LSG1: variants seen among roughly 807,000 people sequenced by gnomAD.
LSG1 encodes the protein large subunit GTPase 1 homolog.
LSG1 carries 55 observed loss-of-function variants against 82.6 expected under a neutral mutation model. That is an observed-to-expected ratio of 0.67 (90% CI 0.54 to 0.83). LSG1 has a LOEUF of 0.83. Among genes scored for constraint, LSG1 ranks in the 40% least tolerant of loss-of-function variants. The probability of loss-of-function intolerance (pLI) is 0.00; values close to 1 mark genes in which losing one functional copy is unlikely to be tolerated. For missense variants in LSG1, 809 were observed against 807.9 expected (o/e 1.00, Z -0.02); for synonymous variants, 272 against 282.5 (o/e 0.96, Z 0.37).
chr3:194,670,064 G>A lies in LSG1; in HGVS notation c.171C>T (p.Ser57=). The change falls in exon 2 of 14, where the codon AGC becomes AGT. Residue 57 remains serine (S), a synonymous_variant. Coordinates refer to ENST00000265245, the MANE Select transcript of LSG1 (RefSeq NM_018385.3). ...CAGTAGCAAGGAAGTCATCAAGGGAGCTCTGTTCAGTCACTGACTGAAGAT... is the reference window on the plus strand; with the variant it reads ...CAGTAGCAAGGAAGTCATCAAGGGAACTCTGTTCAGTCACTGACTGAAGAT... ...RLNLQSVTEQ[S]SLDDFLATAE... 6.2e-7 allele frequency: 1 copy of A among 1,614,128 alleles called. No individual in the cohort carries two copies. Among genetic ancestry groups the A allele is most frequent in the East Asian group, 2.2e-5 (1 of 44,888 alleles).
intron 1 of LSG1, among the ~76,000 whole-genome samples, chr3:194,670,771 T>C (rs546168496): frequency 2.0e-5 from 3 of 152,228 alleles, no homozygotes; most frequent in Admixed American, 1.3e-4. Flanking sequence ...AGCTATATAC[T>C]TAGTATAGAT....
At chr3:194,644,399 T>A (rs58016158) in intron 13 of LSG1, among the ~76,000 whole-genome samples, 174 bp downstream of exon 13, 1,764 of 130,740 alleles carry the variant, frequency 0.013, 67 homozygotes, top group East Asian at 0.044. Flanking sequence ...AATAAATAAA[T>A]AAATAAATAA....
chr3:194,649,520 C>G (rs1345236878), intron 10 of LSG1, among the ~76,000 whole-genome samples: 1 of 140,812 alleles, frequency 7.1e-6, no homozygotes, highest in East Asian at 2.0e-4. Flanking sequence ...CCCATCTCTA[C>G]CAAAAAAAAA....
At position 194,652,726 on chromosome 3, in the gene LSG1, T is replaced by C. The variant is rs773254547; in HGVS notation, c.1173+3A>G. 1.6e-5 allele frequency: 26 copies of C among 1,610,942 alleles called. No individual in the cohort carries two copies. The highest frequency in any genetic ancestry group is 2.7e-5 in the African/African-American group (2 of 74,872). On this transcript the variant is annotated splice_donor_region_variant and intron_variant, in intron 8 of 13. Transcript: ENST00000265245. ...AACAATGTTATGACATATGTCATCT[T>C]ACCAGTCCGACCGTAAGTTGCCCAT...
chr3:194,657,936 G>A (rs1463926959), intron 7 of LSG1, among the ~76,000 whole-genome samples: 2 of 152,060 alleles, frequency 1.3e-5, no homozygotes, highest in Non-Finnish European at 1.5e-5. Flanking sequence ...GGAAGTGGAG[G>A]AAGAAACTCC....
At chr3:194,654,828 C>A (rs6437400) in intron 7 of LSG1, among the ~76,000 whole-genome samples, 93,260 of 152,012 alleles carry the variant, frequency 0.61, 30,231 homozygotes, top group East Asian at 0.87. Flanking sequence ...ACACAGTGCA[C>A]TTTCAAGGTG....
At chr3:194,651,282 A>G in intron 8 of LSG1, 66 bp from the exon 9 acceptor site, 1 of 1,087,680 alleles carries the variant, frequency 9.2e-7, no homozygotes, top group African/African-American at 1.6e-5. Flanking sequence ...CAAAGATATG[A>G]CATAGATGGT....
intron 11 of LSG1, among the ~76,000 whole-genome samples, chr3:194,646,988 G>A (rs1243450891): frequency 6.6e-5 from 10 of 152,170 alleles, no homozygotes; most frequent in South Asian, 6.2e-4. Context: ...GAAAAGCAGC[G>A]AAGCATGGTG....
intron 1 of LSG1, chr3:194,671,856 C>G (rs1719144232): frequency 9.7e-6 from 6 of 618,956 alleles, no homozygotes; most frequent in African/African-American, 1.9e-5. Flanking sequence ...CATCACCACA[C>G]TAACTCTTCT....
In LSG1 at chr3:194,642,054, G is replaced by C; in HGVS notation, c.*14C>G. ...TCTGCACAATGCAGATGACATTTCT[G>C]TTGCAGCCCAACCTCACATATCCAG... On this transcript the variant is annotated 3_prime_UTR_variant, in exon 14 of 14. Transcript: ENST00000265245. 1.9e-6 allele frequency: 3 copies of C among 1,610,850 alleles called. No individual in the cohort carries two copies. The highest frequency in any genetic ancestry group is 2.5e-6 in the Non-Finnish European group (3 of 1,179,352).
chr3:194,645,583 C>CACACACACACACAGACAGACAG (rs1560219879), intron 12 of LSG1, among the ~76,000 whole-genome samples: 1 of 68,326 alleles, frequency 1.5e-5, no homozygotes, highest in African/African-American at 5.4e-5. Context: ...CAGACACACA[C>CACACACACACACAGACAGACAG]ACACACACAC....
chr3:194,642,284 C>A (rs1718414651), intron 13 of LSG1, 37 bp from the exon 14 acceptor site: 1 of 1,586,502 alleles, frequency 6.3e-7, no homozygotes, highest in Non-Finnish European at 8.6e-7. Flanking sequence ...GAGCTGTCAG[C>A]AGGCTATCCT....
chr3:194,648,851 C>A (rs3821403), intron 10 of LSG1, 47 bp from the exon 11 acceptor site: 257,399 of 1,606,364 alleles, frequency 0.16, 21,968 homozygotes, highest in South Asian at 0.27. Context: ...CCCTCCTCCC[C>A]ATGGCATACA....
At chr3:194,645,585 CA>C (rs1718529369) in intron 12 of LSG1, among the ~76,000 whole-genome samples, 1 of 74,652 alleles carries the variant, frequency 1.3e-5, no homozygotes, top group African/African-American at 5.5e-5. Context: ...GACACACACA[CA>C]CACACACACA....
In LSG1 at chr3:194,648,858, T is replaced by C. The variant is rs184006423; in HGVS notation, c.1420-54A>G. The C allele has an allele frequency of 1.4e-4, 228 of 1,602,978 alleles. 1 individual carries two copies. In the East Asian group the frequency reaches 4.7e-3, roughly 33 times the overall value. On this transcript the variant is annotated intron_variant, in intron 10 of 13. Transcript: ENST00000265245. ...AACGGACTCCCTCCTCCCCATGGCATACAAATCGTGCCTCAAAGAACATGG... is the reference window on the plus strand; with the variant it reads ...AACGGACTCCCTCCTCCCCATGGCACACAAATCGTGCCTCAAAGAACATGG...
chr3:194,654,837 T>C (rs1718760602), intron 7 of LSG1, among the ~76,000 whole-genome samples: 1 of 152,186 alleles, frequency 6.6e-6, no homozygotes, highest in Non-Finnish European at 1.5e-5. Flanking sequence ...ACTTTCAAGG[T>C]GACCAAAGGA....
intron 2 of LSG1, among the ~76,000 whole-genome samples, chr3:194,668,469 G>C (rs988086628): frequency 1.3e-5 from 2 of 152,110 alleles, no homozygotes; most frequent in Admixed American, 6.5e-5. Flanking sequence ...AGCTATCCTA[G>C]TGGGTGAAGT....
At chr3:194,648,071 T>C (rs905873717) in intron 11 of LSG1, among the ~76,000 whole-genome samples, 2 of 148,408 alleles carry the variant, frequency 1.3e-5, no homozygotes, top group Admixed American at 6.7e-5. Context: ...TTTCCCACAC[T>C]GCTATTTTTT....
In LSG1 at chr3:194,659,083, G is replaced by A. The variant is rs375483008; in HGVS notation, c.633C>T (p.Ile211=). The part of the protein sequence containing the change: ...MDANKENVIL[I]NKADLLTAEQ... ...CAGCAGTCAGCAAGTCTGCCTTGTT[G>A]ATCAGAATGACGTTCTCCTTATTGG... Residue 211 remains isoleucine, a synonymous_variant, in exon 7 of 14, where the codon ATC becomes ATT. Transcript: ENST00000265245. The A allele has an allele frequency of 9.3e-6, 15 of 1,614,032 alleles. No individual in the cohort carries two copies. The highest frequency in any genetic ancestry group is 3.3e-5 in the Admixed American group (2 of 59,992).
Sources: allele counts gnomAD v4.1 joint callset (sites outside exome capture counted in the v4.1 genomes callset), GRCh38; gene constraint gnomAD v4.1.1; transcripts MANE v1.5; gene names NCBI Gene and HGNC (gene_info 2026-07-23, HGNC 2026-07-21).